Variants in CTCF observed in about 807,000 individuals in gnomAD.
CTCF encodes the protein transcriptional repressor CTCF.
In CTCF, 7 loss-of-function variants were observed where a neutral mutation model predicts 72.3. That is an observed-to-expected ratio of 0.10 (90% CI 0.06 to 0.18). The LOEUF is 0.18. Among genes scored for constraint, CTCF ranks in the 10% least tolerant of loss-of-function variants. CTCF has a pLI of 1.00. For synonymous variants in CTCF, 374 were observed against 315.8 expected (o/e 1.18, Z -1.95); for missense variants, 516 against 949.1 (o/e 0.54, Z 6.00).
At chr16:67,574,075 T>C (rs2051461530) in intron 2 of CTCF, among the ~76,000 whole-genome samples, 1 of 151,886 alleles carries the variant, frequency 6.6e-6, no homozygotes, top group Non-Finnish European at 1.5e-5. Context: ...GGAGGGATTT[T>C]CCTCACACAC....
chr16:67,569,174 T>G (rs888507258), intron 1 of CTCF, among the ~76,000 whole-genome samples: 3 of 150,886 alleles, frequency 2.0e-5, no homozygotes, highest in African/African-American at 7.3e-5. Context: ...TAGCTCTTTA[T>G]TTCATTTGGG....
At chr16:67,601,383 G>A (rs2051889887) in intron 2 of CTCF, among the ~76,000 whole-genome samples, 2 of 150,068 alleles carry the variant, frequency 1.3e-5, no homozygotes, top group African/African-American at 2.5e-5. Context: ...CTGTCACCCA[G>A]CCTGGAGTGC....
intron 8 of CTCF, 39 bp from the exon 9 acceptor site, chr16:67,628,331 T>G: frequency 6.3e-7 from 1 of 1,590,924 alleles, no homozygotes; most frequent in African/African-American, 1.3e-5. Flanking sequence ...AGTAGCCCCA[T>G]GAGCAGGCTC....
chr16:67,616,539 A>G (rs1003262736), intron 4 of CTCF: 26 of 539,114 alleles, frequency 4.8e-5, no homozygotes, highest in African/African-American at 4.2e-4. Flanking sequence ...CTAATTTGGT[A>G]TGTGTTATAA....
At chr16:67,580,925 T>A (rs778029952) in intron 2 of CTCF, among the ~76,000 whole-genome samples, 8 of 151,058 alleles carry the variant, frequency 5.3e-5, no homozygotes, top group South Asian at 4.2e-4. Context: ...TTTACTTATT[T>A]TTTATTTATT....
intron 4 of CTCF, among the ~76,000 whole-genome samples, chr16:67,612,657 G>A (rs1417164555): frequency 6.6e-6 from 1 of 151,888 alleles, no homozygotes; most frequent in African/African-American, 2.4e-5. Flanking sequence ...AAGTGGCCGG[G>A]TACAGTGGCT....
rs140510218 is a variant in CTCF, at chr16:67,621,458, A to G, written c.1224A>G (p.Glu408=). The change falls in exon 7 of 12, where the codon GAA becomes GAG. Residue 408 remains glutamate (E), a synonymous_variant. Coordinates refer to ENST00000264010, the MANE Select transcript of CTCF (RefSeq NM_006565.4). ...TCTTTAAAGGGGAAAAGCCTTATGA[A>G]TGTTATATTTGTCATGCTCGGTTTA... ...MRTHSGEKPY[E]CYICHARFTQ... 1.9e-5 allele frequency: 30 copies of G among 1,602,096 alleles called. No homozygotes were observed. The East Asian group carries it at 6.7e-4, about 36-fold the overall frequency.
chr16:67,597,502 T>G (rs759978927), intron 2 of CTCF, among the ~76,000 whole-genome samples: 2 of 151,888 alleles, frequency 1.3e-5, no homozygotes, highest in Non-Finnish European at 2.9e-5. Context: ...CTAAGCACAG[T>G]TAATTTCTGT....
chr16:67,631,301 A>G (rs1279569672), intron 10 of CTCF, among the ~76,000 whole-genome samples: 1 of 151,572 alleles, frequency 6.6e-6, no homozygotes, highest in Admixed American at 6.6e-5. Flanking sequence ...GGTAGCTGGG[A>G]TTACAGGCAT....
intron 2 of CTCF, among the ~76,000 whole-genome samples, chr16:67,601,240 G>T (rs2051882840): frequency 6.8e-6 from 1 of 147,956 alleles, no homozygotes; most frequent in African/African-American, 2.5e-5. Flanking sequence ...GTGTGTGTGT[G>T]TGTGTGTGTG....
intron 4 of CTCF, chr16:67,612,436 A>G: frequency 5.3e-6 from 1 of 189,864 alleles, no homozygotes; most frequent in Non-Finnish European, 1.1e-5. Context: ...TAAAAATACA[A>G]AAAATTAGCT....
rs755146217 is a variant in CTCF, at chr16:67,628,456, G to A, written c.1605G>A (p.Lys535=). The change falls in exon 9 of 12, where the codon AAG becomes AAA. Residue 535 remains lysine (K), a synonymous_variant. Coordinates refer to ENST00000264010, the MANE Select transcript of CTCF (RefSeq NM_006565.4). The part of the protein sequence containing the change: ...CSHCDKTFRQ[K]QLLDMHFKRY... ...ACTGCGATAAGACCTTCCGCCAGAA[G>A]CAGCTTCTCGACATGCACTTCAAGC... The A allele has an allele frequency of 6.2e-7, 1 of 1,614,234 alleles. No homozygotes were observed. The highest frequency in any genetic ancestry group is 2.2e-5 in the East Asian group (1 of 44,892).
rs1351166047 is a variant in CTCF, at chr16:67,638,287, C to T, written c.*415C>T. On this transcript the variant is annotated 3_prime_UTR_variant, in exon 12 of 12. Transcript: ENST00000264010. Reference sequence around the variant, plus strand: ...CTTGGGAAGGACTTAGAGTTTTAAACTGTTTTTTGCTTTTGCTTTTCCCTG... The same window carrying T: ...CTTGGGAAGGACTTAGAGTTTTAAATTGTTTTTTGCTTTTGCTTTTCCCTG... 2 of 235,712 alleles carry T rather than the reference C, an allele frequency of 8.5e-6. No homozygotes were observed. Among genetic ancestry groups the T allele is most frequent in the Non-Finnish European group, 1.7e-5 (2 of 120,170 alleles). 14.6% of individuals were successfully genotyped at this position (235,712 alleles called of 1,614,324 possible).
At chr16:67,636,646 C>G (rs746709591) in intron 10 of CTCF, 44 bp from the exon 11 acceptor site, 11 of 1,495,192 alleles carry the variant, frequency 7.4e-6, no homozygotes, top group Non-Finnish European at 9.9e-6. Flanking sequence ...TTCCACCACC[C>G]TTCTCCTTGC....
At chr16:67,585,305 C>T (rs2051654864) in intron 2 of CTCF, among the ~76,000 whole-genome samples, 1 of 152,202 alleles carries the variant, frequency 6.6e-6, no homozygotes, top group Non-Finnish European at 1.5e-5. Context: ...CCACCTTGGC[C>T]TCCCAAAGTG....
chr16:67,633,553 A>G (rs868022590), intron 10 of CTCF, among the ~76,000 whole-genome samples: 14 of 152,142 alleles, frequency 9.2e-5, no homozygotes, highest in African/African-American at 3.1e-4. Flanking sequence ...AAAGAGAATC[A>G]ATAATAGTTT....
intron 2 of CTCF, among the ~76,000 whole-genome samples, chr16:67,579,241 G>A (rs2051546807): frequency 6.6e-6 from 1 of 151,870 alleles, no homozygotes; most frequent in African/African-American, 2.4e-5. Context: ...CAACAAGAGT[G>A]AAACTCCGTC....
intron 2 of CTCF, among the ~76,000 whole-genome samples, chr16:67,580,342 T>C (rs1263608897): frequency 6.6e-6 from 1 of 151,974 alleles, no homozygotes; most frequent in African/African-American, 2.4e-5. Context: ...CCTGAGTAGC[T>C]AGGAGTGTAG....
At chr16:67,626,295 AT>A (rs1455824132) in intron 7 of CTCF, among the ~76,000 whole-genome samples, 1 of 151,750 alleles carries the variant, frequency 6.6e-6, no homozygotes, top group Non-Finnish European at 1.5e-5. Context: ...AAAATAAAAA[AT>A]AAAAAAATTA....
Sources: allele counts gnomAD v4.1 joint callset (sites outside exome capture counted in the v4.1 genomes callset), GRCh38; gene constraint gnomAD v4.1.1; transcripts MANE v1.5; gene names NCBI Gene and HGNC (gene_info 2026-07-23, HGNC 2026-07-21).